The following NFATC4 variants were observed in gnomAD, a reference collection of about 807,000 sequenced individuals.
NFATC4 encodes the protein nuclear factor of activated T cells 4.
Under a neutral mutation model 73.4 loss-of-function variants are expected in NFATC4, and 25 were observed. The ratio of observed to expected loss-of-function variants is 0.34; its 90% CI spans 0.25 to 0.48. NFATC4 has a LOEUF of 0.48. Among genes scored for constraint, NFATC4 ranks in the 20% least tolerant of loss-of-function variants. NFATC4 has a pLI of 0.99. For synonymous variants in NFATC4, 523 were observed against 510.3 expected, an observed-to-expected ratio of 1.02 and a Z score of -0.34; for missense variants, 1,130 against 1,203.7, an observed-to-expected ratio of 0.94 and a Z score of 0.91.
Position 24,377,404 on chromosome 14 carries a change from A to T in NFATC4, c.2642-234A>T. ...TGACATTTCAGGCTAAGCCAGCAGG[A>T]AAGGGCTAGGACGGGTGCCTGGGAG... On this transcript the variant is annotated intron_variant, in intron 9 of 9. Coordinates refer to ENST00000250373, the MANE Select transcript of NFATC4 (RefSeq NM_004554.5). The surrounding 1 kb of genome is among the most constrained non-coding windows in gnomAD (Gnocchi z 4.2). The T allele has an allele frequency of 7.2e-7, 1 of 1,380,166 alleles. No individual in the cohort carries two copies. The highest frequency in any genetic ancestry group is 9.4e-7 in the Non-Finnish European group (1 of 1,068,520). The allele number at this position is 1,380,166 out of a possible 1,614,324, so 85.5% of individuals were successfully genotyped here. A position where few individuals can be genotyped will look rare whatever the true frequency, so the allele number is the denominator to read the frequency against.
Position 24,369,653 on chromosome 14 carries a change from G to T in NFATC4, c.255G>T (p.Trp85Cys). 6.2e-7 allele frequency: 1 copy of T among 1,613,060 alleles called. No individual in the cohort carries two copies. Among genetic ancestry groups the T allele is most frequent in the Non-Finnish European group, 8.5e-7 (1 of 1,179,708 alleles). The change falls in exon 2 of 10, where the codon TGG (tryptophan) becomes TGT (cysteine). Residue 85 changes from tryptophan (W) to cysteine (C), a missense_variant. This residue lies in a region of NFATC4 where 585 missense variants were observed against 574.3 expected (regional missense o/e 1.02). Transcript: ENST00000250373. ...GACCAGCCCCCTCACCTGGCACCTG[G>T]GAGAGCCAGCCCGCCAGGTCGGTGA... ...PPRPAPSPGT[W>C]ESQPARSVRL...
Position 24,379,476 on chromosome 14 carries a change from C to T in NFATC4, c.*1771C>T. 6.6e-6 allele frequency: 1 copy of T among 152,290 alleles called. No individual in the cohort carries two copies. 9.4% of individuals were successfully genotyped at this position (152,290 alleles called of 1,614,324 possible). ...TCAAGGTGGACTATTCTGTTTTCTG[C>T]CAGGACACTGCCATTCATGCATTGT... On this transcript the variant is annotated 3_prime_UTR_variant, in exon 10 of 10. Transcript: ENST00000250373.
Position 24,378,076 on chromosome 14 carries a change from T to C in NFATC4, c.*371T>C. 3.8e-6 allele frequency: 1 copy of C among 261,738 alleles called. No homozygotes were observed. Among genetic ancestry groups the C allele is most frequent in the Non-Finnish European group, 7.5e-6 (1 of 133,648 alleles). 16.2% of individuals were successfully genotyped at this position (261,738 alleles called of 1,614,324 possible). On this transcript the variant is annotated 3_prime_UTR_variant, in exon 10 of 10. Transcript: ENST00000250373. ...CCAGTGCTTCAGGCTCCAGAGCTCT[T>C]TGGAGAGATGGGTTGGGGCAGCTTA...
chr14:24,368,896 G>T (rs1162433331), intron 1 of NFATC4: 2 of 227,656 alleles, frequency 8.8e-6, no homozygotes, highest in East Asian at 1.5e-4. Flanking sequence ...GGCAGATGGC[G>T]GGGACCGAGC....
Position 24,373,153 on chromosome 14 carries a change from G to T in NFATC4, c.1360-18G>T. On this transcript the variant is annotated intron_variant, in intron 3 of 9. Transcript: ENST00000250373. This position sits in a 1 kb window ranked among gnomAD's most constrained non-coding sequence, Gnocchi z 4.7. ...CGGTGGGGATTTCAATGAGGTGGCC[G>T]CTCTCTCCCTCTGCCAGCTCCTAGG... The T allele has an allele frequency of 6.2e-7, 1 of 1,611,170 alleles. No homozygotes were observed. Among genetic ancestry groups the T allele is most frequent in the African/African-American group, 1.3e-5 (1 of 74,960 alleles).
At position 24,376,555 on chromosome 14, in the gene NFATC4, G is replaced by T; in HGVS notation, c.2318G>T (p.Gly773Val). ...RMFPETRGTT[G>V]CAQPPAVSFL... ...TTCCCTGAGACTAGGGGTACCACAG[G>T]TTGTGCCCAACCACCTGCAGTTTCC... The change falls in exon 9 of 10, where the codon GGT (glycine) becomes GTT (valine). Residue 773 changes from glycine to valine, a missense_variant. Coordinates refer to ENST00000250373, the MANE Select transcript of NFATC4 (RefSeq NM_004554.5). The surrounding 1 kb of genome is among the most constrained non-coding windows in gnomAD (Gnocchi z 5.0). 6.2e-7 allele frequency: 1 copy of T among 1,613,992 alleles called. No individual in the cohort carries two copies. The highest frequency in any genetic ancestry group is 8.5e-7 in the Non-Finnish European group (1 of 1,179,960).
chr14:24,369,917 C>T lies in NFATC4; in HGVS notation c.519C>T (p.Ser173=), dbSNP rs1365560444. ...CCTTCTTCAGCCCAAGCCCTGGCAG[C>T]AGCAGCCTGTCCTCGTGGAGCTTCT... The part of the protein sequence containing the change: ...GGAFFSPSPG[S]SSLSSWSFFS... The change falls in exon 2 of 10, where the codon AGC becomes AGT. Residue 173 remains serine (S), a synonymous_variant. Transcript: ENST00000250373. 1.2e-6 allele frequency: 2 copies of T among 1,612,604 alleles called. No individual in the cohort carries two copies. The highest frequency in any genetic ancestry group is 1.1e-5 in the South Asian group (1 of 91,072).
In NFATC4 at chr14:24,376,399, C is replaced by T. The variant is rs577116857; in HGVS notation, c.2162C>T (p.Pro721Leu). The change falls in exon 9 of 10, where the codon CCC (proline) becomes CTC (leucine). Residue 721 changes from proline to leucine, a missense_variant. Transcript: ENST00000250373. The surrounding 1 kb of genome is among the most constrained non-coding windows in gnomAD (Gnocchi z 5.0). ...TDMDFSPPRP[P>L]YPSYPHEDPA... The stretch of plus-strand genomic sequence containing the variant: ...ATGGACTTCTCACCACCCAGGCCCC[C>T]CTACCCCTCCTATCCCCATGAAGAC... 6.2e-7 allele frequency: 1 copy of T among 1,613,588 alleles called. No individual in the cohort carries two copies. Among genetic ancestry groups the T allele is most frequent in the South Asian group, 1.1e-5 (1 of 91,040 alleles).
Position 24,373,300 on chromosome 14 carries a change from T to C in NFATC4, c.1489T>C (p.Tyr497His), listed in dbSNP as rs1337877946. The C allele has an allele frequency of 3.7e-6, 6 of 1,614,246 alleles. No individual in the cohort carries two copies. Among genetic ancestry groups the C allele is most frequent in the South Asian group, 1.1e-5 (1 of 91,090 alleles). The change falls in exon 4 of 10, where the codon TAT becomes CAT. Residue 497 changes from tyrosine (Y) to histidine (H), a missense_variant. Around this residue, in one of 3 missense-constraint regions of NFATC4, gnomAD observed 155 missense variants for 221.2 expected, o/e 0.70. Coordinates refer to ENST00000250373, the MANE Select transcript of NFATC4 (RefSeq NM_004554.5). This position sits in a 1 kb window ranked among gnomAD's most constrained non-coding sequence, Gnocchi z 4.7. Reference sequence around the variant, plus strand: ...AGGCAAGATGGTGGCCACGGCCAGCTATGAAGCCGTAGTCAGTGGCACCAA... The same window carrying C: ...AGGCAAGATGGTGGCCACGGCCAGCCATGAAGCCGTAGTCAGTGGCACCAA... ...ITGKMVATAS[Y>H]EAVVSGTKVL...
chr14:24,374,587 G>A (rs1403044395), intron 6 of NFATC4, 121 bp downstream of exon 6: 21 of 906,522 alleles, frequency 2.3e-5, no homozygotes, highest in Non-Finnish European at 3.0e-5. Context: ...TGTAAAATGG[G>A]ACAGACAGAC....
At chr14:24,366,981 C>A, upstream of NFATC4, 1 of 1,591,582 alleles carries the variant, frequency 6.3e-7, no homozygotes, top group Non-Finnish European at 8.6e-7. Flanking sequence ...GGGGTGCGGC[C>A]CTGAACCGGA....
intron 5 of NFATC4, 98 bp from the exon 6 acceptor site, chr14:24,374,228 C>A: frequency 7.0e-7 from 1 of 1,428,856 alleles, no homozygotes; most frequent in Non-Finnish European, 9.4e-7. Context: ...AGGGCTCCCT[C>A]AGAGCCCTGT....
At chr14:24,371,612 G>A (rs796301495) in intron 2 of NFATC4, 17 of 152,560 alleles carry the variant, frequency 1.1e-4, no homozygotes, top group African/African-American at 4.1e-4. Context: ...CCCAACTAGT[G>A]GAAAGGGAGC....
At position 24,376,638 on chromosome 14, in the gene NFATC4, C is replaced by G. The variant is rs747649801; in HGVS notation, c.2401C>G (p.Leu801Val). ...TGGAGGGCGGGGCTCCTCTTTCTCC[C>G]TGGGGCTGCCATTCTCTCCGCCAGC... Reference protein sequence around the residue: ...PYGGRGSSFSLGLPFSPPAPF... With the variant: ...PYGGRGSSFSVGLPFSPPAPF... The change falls in exon 9 of 10, where the codon CTG becomes GTG. Residue 801 changes from leucine to valine, a missense_variant. By Grantham distance (32) the Leu-to-Val change is conservative. Coordinates refer to ENST00000250373, the MANE Select transcript of NFATC4 (RefSeq NM_004554.5). This position sits in a 1 kb window ranked among gnomAD's most constrained non-coding sequence, Gnocchi z 5.0. The G allele has an allele frequency of 2.5e-6, 4 of 1,613,430 alleles. No homozygotes were observed. In the East Asian group the frequency reaches 8.9e-5, roughly 36 times the overall value.
upstream of NFATC4, chr14:24,367,803 A>G (rs2042346208): frequency 7.5e-7 from 1 of 1,339,776 alleles, no homozygotes; most frequent in Non-Finnish European, 9.8e-7. Flanking sequence ...TTCAGAATTT[A>G]AAAAAGGGTC....
At position 24,369,955 on chromosome 14, in the gene NFATC4, C is replaced by T; in HGVS notation, c.557C>T (p.Ser186Phe). ...TCGTGGAGCTTCTTCTCCGATGCCT[C>T]TGACGAGGCAGCCCTGTATGCAGCC... ...LSSWSFFSDA[S>F]DEAALYAACD... The change falls in exon 2 of 10, where the codon TCT becomes TTT. Residue 186 changes from serine (S) to phenylalanine (F), a missense_variant. This residue lies in a region of NFATC4 where 585 missense variants were observed against 574.3 expected (regional missense o/e 1.02). Coordinates refer to ENST00000250373, the MANE Select transcript of NFATC4 (RefSeq NM_004554.5). 1.9e-6 allele frequency: 3 copies of T among 1,613,016 alleles called. No homozygotes were observed. The highest frequency in any genetic ancestry group is 2.5e-6 in the Non-Finnish European group (3 of 1,179,986).
chr14:24,366,959 G>A (rs2042325927), upstream of NFATC4: 5 of 1,560,392 alleles, frequency 3.2e-6, no homozygotes, highest in Middle Eastern at 3.8e-4. Flanking sequence ...TTGCTGGGAT[G>A]GGGCGGCGTT....
upstream of NFATC4, chr14:24,367,247 G>A (rs1330565079): frequency 1.9e-6 from 3 of 1,610,756 alleles, no homozygotes; most frequent in African/African-American, 1.3e-5. Context: ...GGGGCGGGGG[G>A]GCCAAGGAGG....
upstream of NFATC4, chr14:24,366,979 G>T: frequency 6.3e-7 from 1 of 1,586,900 alleles, no homozygotes; most frequent in South Asian, 1.2e-5. Flanking sequence ...TGGGGGTGCG[G>T]CCCTGAACCG....
Sources: allele counts gnomAD v4.1 joint callset, GRCh38; gene constraint gnomAD v4.1.1; regional missense constraint gnomAD v4.1.1; non-coding constraint Gnocchi (gnomAD v3.1); transcripts MANE v1.5; gene names NCBI Gene and HGNC (gene_info 2026-07-23, HGNC 2026-07-21).